CLEC16A: variants seen among roughly 807,000 people sequenced by gnomAD.
CLEC16A encodes the protein protein CLEC16A.
Under a neutral mutation model 109.5 loss-of-function variants are expected in CLEC16A, and 51 were observed. The observed-to-expected ratio is 0.47, with a 90% CI of 0.37 to 0.59. The LOEUF (loss-of-function observed/expected upper bound fraction) is 0.59. Ranked by LOEUF, CLEC16A falls within the 20% of genes least tolerant of loss-of-function variation. The probability of loss-of-function intolerance (pLI) is 0.00; values close to 1 mark genes in which losing one functional copy is unlikely to be tolerated. For missense variants in CLEC16A, 1,339 were observed against 1,394.0 expected (o/e 0.96, Z 0.63); for synonymous variants, 673 against 564.2 (o/e 1.19, Z -2.73).
chr16:11,005,787 A>G (rs533972404), intron 11 of CLEC16A, among the ~76,000 whole-genome samples: 1 of 152,246 alleles, frequency 6.6e-6, no homozygotes, highest in Non-Finnish European at 1.5e-5. Flanking sequence ...CTTCATTCAC[A>G]TTGCATACCA....
chr16:11,095,050 C>T (rs559039993), intron 19 of CLEC16A, among the ~76,000 whole-genome samples: 1 of 151,910 alleles, frequency 6.6e-6, no homozygotes, highest in South Asian at 2.1e-4. Flanking sequence ...TCACATTTTC[C>T]ATGACTTGTT....
chr16:10,948,809 A>G (rs1198676061), intron 1 of CLEC16A, among the ~76,000 whole-genome samples: 2 of 152,130 alleles, frequency 1.3e-5, no homozygotes, highest in Non-Finnish European at 2.9e-5. Flanking sequence ...TTTCAGCTCT[A>G]CCTTTTTCCT....
intron 22 of CLEC16A, among the ~76,000 whole-genome samples, chr16:11,146,813 A>T (rs1332592122): frequency 1.3e-5 from 2 of 152,096 alleles, no homozygotes; most frequent in Non-Finnish European, 2.9e-5. Context: ...ACAGATCTTT[A>T]ATCCCCCCTT....
chr16:11,116,736 C>T (rs9931657), intron 19 of CLEC16A, among the ~76,000 whole-genome samples: 17,023 of 152,192 alleles, frequency 0.11, 1,196 homozygotes, highest in African/African-American at 0.2. Flanking sequence ...TTATCGTGTG[C>T]TTTGGCCAAA....
intron 13 of CLEC16A, chr16:11,027,106 C>T: frequency 6.6e-7 from 1 of 1,526,416 alleles, no homozygotes; most frequent in Non-Finnish European, 9.0e-7. Flanking sequence ...GCACTCAAAG[C>T]CACCCAGGCA....
intron 19 of CLEC16A, among the ~76,000 whole-genome samples, chr16:11,106,573 A>G (rs1333238648): frequency 6.7e-6 from 1 of 149,820 alleles, no homozygotes; most frequent in Admixed American, 6.6e-5. Flanking sequence ...GTAGCCTCAA[A>G]CTCCTGGCCT....
chr16:11,117,272 A>G (rs2052065329), intron 19 of CLEC16A, among the ~76,000 whole-genome samples: 1 of 152,238 alleles, frequency 6.6e-6, no homozygotes, highest in South Asian at 2.1e-4. Flanking sequence ...TAAAATAGGT[A>G]AACTGTATAC....
At chr16:11,031,320 C>T (rs2046729957) in intron 13 of CLEC16A, among the ~76,000 whole-genome samples, 1 of 152,154 alleles carries the variant, frequency 6.6e-6, no homozygotes, top group African/African-American at 2.4e-5. Flanking sequence ...AGTGGGCAAG[C>T]TCCTCATCTT....
intron 17 of CLEC16A, chr16:11,047,693 G>C (rs1190161554): frequency 6.1e-6 from 1 of 164,128 alleles, no homozygotes; most frequent in East Asian, 1.7e-4. Flanking sequence ...AACGGTAATA[G>C]CTACTGCCAT....
At chr16:11,164,083 G>A (rs1017547241) in intron 22 of CLEC16A, among the ~76,000 whole-genome samples, 14 of 151,780 alleles carry the variant, frequency 9.2e-5, no homozygotes, top group African/African-American at 3.1e-4. Flanking sequence ...GCGGGCCCCC[G>A]ACACACACAC....
chr16:11,072,991 A>T (rs972641814), intron 19 of CLEC16A, among the ~76,000 whole-genome samples: 1 of 152,106 alleles, frequency 6.6e-6, no homozygotes. Flanking sequence ...AAACCACAGG[A>T]TGGGGTGGGA....
rs2041241592 is a variant in CLEC16A, at chr16:10,944,601, G to C, written c.-117G>C. On this transcript the variant is annotated 5_prime_UTR_variant, in exon 1 of 24. Transcript: ENST00000409790. ...TGGGCCGGGGAGGAAGGCGGCTCGC[G>C]GTTCCTCCACCGCCTCCGCCGCCGC... 3.0e-6 allele frequency: 3 copies of C among 994,744 alleles called. No individual in the cohort carries two copies. Among genetic ancestry groups the C allele is most frequent in the Non-Finnish European group, 4.4e-6 (3 of 676,116 alleles). The allele number at this position is 994,744 out of a possible 1,614,324, so 61.6% of individuals were successfully genotyped here.
chr16:10,969,096 G>T, intron 3 of CLEC16A, 65 bp from the exon 4 acceptor site: 5 of 1,392,474 alleles, frequency 3.6e-6, no homozygotes, highest in Non-Finnish European at 5.0e-6. Context: ...GTGGTCATCT[G>T]CTTGTTACCT....
chr16:10,947,505 C>T (rs1038642936), intron 1 of CLEC16A, among the ~76,000 whole-genome samples: 1 of 152,192 alleles, frequency 6.6e-6, no homozygotes, highest in African/African-American at 2.4e-5. Flanking sequence ...ACAGAAGCCA[C>T]CATTGGCGGG....
intron 11 of CLEC16A, among the ~76,000 whole-genome samples, chr16:11,004,523 C>T (rs1032134934): frequency 6.6e-6 from 1 of 152,176 alleles, no homozygotes; most frequent in African/African-American, 2.4e-5. Flanking sequence ...CTGAAACCAC[C>T]TCTCCACAGC....
intron 1 of CLEC16A, 114 bp downstream of exon 1, chr16:10,944,911 A>G (rs1218537270): frequency 4.8e-6 from 5 of 1,038,366 alleles, no homozygotes; most frequent in Non-Finnish European, 5.6e-6. Context: ...CGCCCGGGGA[A>G]GCCCGTGTGG....
intron 10 of CLEC16A, among the ~76,000 whole-genome samples, chr16:10,999,476 TC>T (rs2044533376): frequency 6.6e-6 from 1 of 152,206 alleles, no homozygotes; most frequent in South Asian, 2.1e-4. Context: ...TCCTGCATTT[TC>T]ATCCTGGTGC....
At chr16:11,093,990 G>A (rs564220896) in intron 19 of CLEC16A, among the ~76,000 whole-genome samples, 1 of 152,312 alleles carries the variant, frequency 6.6e-6, no homozygotes, top group South Asian at 2.1e-4. Context: ...TGTTGGGGTG[G>A]AGGGGTGACG....
chr16:10,953,834 G>A (rs1018603382), intron 1 of CLEC16A, among the ~76,000 whole-genome samples: 6 of 152,112 alleles, frequency 3.9e-5, no homozygotes, highest in South Asian at 4.1e-4. Context: ...ACAATTAGCC[G>A]AGCGTGCTGG....
Sources: gnomAD v4.1 joint callset for allele counts (sites outside exome capture counted in the v4.1 genomes callset) on GRCh38, gnomAD v4.1.1 for gene constraint, MANE v1.5 for transcripts, NCBI Gene and HGNC (gene_info 2026-07-23, HGNC 2026-07-21) for gene names.